Variants in DOK5 observed in about 807,000 individuals in gnomAD.
The protein encoded by DOK5 is docking protein 5, also known as downstream of tyrosine kinase 5.
A neutral mutation model predicts 43.3 loss-of-function variants in DOK5; 27 were observed. That is an observed-to-expected ratio of 0.62 (90% CI 0.46 to 0.86). The LOEUF is 0.86. Among genes scored for constraint, DOK5 ranks in the 40% least tolerant of loss-of-function variants. The probability of loss-of-function intolerance (pLI) is 0.00; values close to 1 mark genes in which losing one functional copy is unlikely to be tolerated. For missense variants in DOK5, 373 were observed against 392.9 expected, an observed-to-expected ratio of 0.95 and a Z score of 0.43; for synonymous variants, 146 against 140.1, an observed-to-expected ratio of 1.04 and a Z score of -0.30.
chr20:54,526,302 C>A (rs1983573262), intron 1 of DOK5, among the ~76,000 whole-genome samples: 1 of 151,998 alleles, frequency 6.6e-6, no homozygotes, highest in South Asian at 2.1e-4. Flanking sequence ...CTTTTCTGTG[C>A]ATTGTGAAGG....
chr20:54,538,044 G>A (rs900564684), intron 1 of DOK5, among the ~76,000 whole-genome samples: 2 of 151,466 alleles, frequency 1.3e-5, no homozygotes, highest in African/African-American at 4.9e-5. Context: ...TCACCATGTT[G>A]GTCAGGCTGG....
chr20:54,628,385 G>A (rs1449101055), intron 6 of DOK5, among the ~76,000 whole-genome samples: 8 of 124,818 alleles, frequency 6.4e-5, no homozygotes, highest in East Asian at 4.4e-4. Context: ...CTCCAGCCTG[G>A]GCGACAGAGC....
chr20:54,637,862 C>G (rs556544605), intron 6 of DOK5, among the ~76,000 whole-genome samples: 1 of 152,224 alleles, frequency 6.6e-6, no homozygotes, highest in Admixed American at 6.5e-5. Flanking sequence ...GTGGCTCACG[C>G]CTGTAATCCC....
At chr20:54,541,897 G>C (rs956906102) in intron 1 of DOK5, among the ~76,000 whole-genome samples, 1 of 151,700 alleles carries the variant, frequency 6.6e-6, no homozygotes, top group African/African-American at 2.4e-5. Flanking sequence ...CTTCCACCTA[G>C]AGCCCACCTC....
In DOK5 at chr20:54,588,767, C is replaced by G; in HGVS notation, c.370C>G (p.Pro124Ala). The stretch of plus-strand genomic sequence containing the variant: ...GATCAATGACATCAGCCTTGGAGAG[C>G]CTGACTTACTGGCCACTGGGGTTGA... ...TRINDISLGEPDLLATGVERE... is the reference protein window; with the variant it reads ...TRINDISLGEADLLATGVERE... The change falls in exon 4 of 8, where the codon CCT (proline) becomes GCT (alanine). Residue 124 changes from proline (P) to alanine (A), a missense_variant. Physicochemically the swap from Pro to Ala is conservative, Grantham distance 27. Coordinates refer to ENST00000262593, the MANE Select transcript of DOK5 (RefSeq NM_018431.5). The G allele has an allele frequency of 6.2e-7, 1 of 1,613,954 alleles. No individual in the cohort carries two copies. The highest frequency in any genetic ancestry group is 1.7e-5 in the Admixed American group (1 of 60,004).
chr20:54,586,336 C>T (rs528912622), intron 2 of DOK5, among the ~76,000 whole-genome samples: 2 of 152,252 alleles, frequency 1.3e-5, no homozygotes, highest in East Asian at 3.9e-4. Context: ...GGCCAGGGCA[C>T]ATTTCCTAGA....
At chr20:54,543,269 T>C (rs1164294537) in intron 1 of DOK5, among the ~76,000 whole-genome samples, 1 of 128,906 alleles carries the variant, frequency 7.8e-6, no homozygotes, top group African/African-American at 2.9e-5. Flanking sequence ...TACATTTATA[T>C]ATCCCGAATG....
chr20:54,509,960 G>C (rs1167486911), intron 1 of DOK5, among the ~76,000 whole-genome samples: 1 of 151,670 alleles, frequency 6.6e-6, no homozygotes, highest in Non-Finnish European at 1.5e-5. Context: ...TGGGGTGGGG[G>C]GATGGGGGGA....
At chr20:54,615,577 C>T (rs1409225889) in intron 6 of DOK5, among the ~76,000 whole-genome samples, 1 of 152,114 alleles carries the variant, frequency 6.6e-6, no homozygotes, top group Non-Finnish European at 1.5e-5. Flanking sequence ...GAAGAAGGGA[C>T]TGTGAGCCAA....
chr20:54,523,585 C>A lies in DOK5; in HGVS notation c.67-31348C>A, dbSNP rs891312602. On this transcript the variant is annotated intron_variant, in intron 1 of 7. Transcript: ENST00000262593. The stretch of plus-strand genomic sequence containing the variant: ...TCTCAAAAAATTCAATCAACCAAAT[C>A]AAATAAATAAATAACTGCCTTTTTT... Among the ~76,000 whole-genome samples the A allele has an allele frequency of 1.3e-5, 2 of 152,032 alleles. 1 individual carries two copies. The highest frequency in any genetic ancestry group is 4.2e-4 in the South Asian group (2 of 4,816).
chr20:54,633,732 G>C (rs1978680342), intron 6 of DOK5, among the ~76,000 whole-genome samples: 1 of 152,146 alleles, frequency 6.6e-6, no homozygotes, highest in African/African-American at 2.4e-5. Flanking sequence ...ATACTTTAAG[G>C]AGCAACCTGA....
chr20:54,577,351 G>A (rs6014062), intron 2 of DOK5, among the ~76,000 whole-genome samples: 2,721 of 152,278 alleles, frequency 0.018, 77 homozygotes, highest in African/African-American at 0.061. Flanking sequence ...AAGAGGATTC[G>A]AGTGGAATTC....
chr20:54,628,161 G>A (rs1157774570), intron 6 of DOK5, among the ~76,000 whole-genome samples: 1 of 152,108 alleles, frequency 6.6e-6, no homozygotes, highest in African/African-American at 2.4e-5. Context: ...AGTGTTTAGG[G>A]AAACAAGAAC....
At chr20:54,522,642 C>T (rs570933088) in intron 1 of DOK5, among the ~76,000 whole-genome samples, 16 of 151,468 alleles carry the variant, frequency 1.1e-4, no homozygotes, top group Non-Finnish European at 1.5e-4. Flanking sequence ...GCCTCAGCTT[C>T]GTAAGTAGCT....
At chr20:54,622,618 C>A (rs1224255775) in intron 6 of DOK5, among the ~76,000 whole-genome samples, 1 of 152,090 alleles carries the variant, frequency 6.6e-6, no homozygotes, top group Non-Finnish European at 1.5e-5. Flanking sequence ...TTTATAAACT[C>A]GAAAACTAGT....
intron 6 of DOK5, among the ~76,000 whole-genome samples, chr20:54,631,679 A>G (rs1978572873): frequency 6.6e-6 from 1 of 152,204 alleles, no homozygotes; most frequent in South Asian, 2.1e-4. Context: ...TACATGTTAA[A>G]AAATGTGTAA....
At position 54,645,848 on chromosome 20, in the gene DOK5, T is replaced by G. The variant is rs142596315; in HGVS notation, c.856+2270T>G. On this transcript the variant is annotated intron_variant, in intron 7 of 7. Transcript: ENST00000262593. ...AGAATGCATAATGTTAAGAAAGCAC[T>G]GGGGGTATTTACATTTTAGTTTTCA... Among the ~76,000 whole-genome samples the G allele has an allele frequency of 2.4e-3, 353 of 145,360 alleles. 2 individuals are homozygous for G. The highest frequency in any genetic ancestry group is 3.9e-3 in the Non-Finnish European group (260 of 67,142).
At chr20:54,617,513 A>T (rs747518649) in intron 6 of DOK5, among the ~76,000 whole-genome samples, 1 of 152,048 alleles carries the variant, frequency 6.6e-6, no homozygotes, top group African/African-American at 2.4e-5. Context: ...TGTAGACATG[A>T]GGTCTCCCTA....
chr20:54,595,095 A>T (rs1568801675), intron 5 of DOK5, among the ~76,000 whole-genome samples: 1 of 152,206 alleles, frequency 6.6e-6, no homozygotes, highest in African/African-American at 2.4e-5. Flanking sequence ...TAATCCCAGC[A>T]CTTTGGGAGG....
Sources: gnomAD v4.1 joint callset for allele counts (sites outside exome capture counted in the v4.1 genomes callset) on GRCh38, gnomAD v4.1.1 for gene constraint, MANE v1.5 for transcripts, NCBI Gene and HGNC (gene_info 2026-07-23, HGNC 2026-07-21) for gene names.